Variants in CDKAL1 observed in about 807,000 individuals in gnomAD.
The protein encoded by CDKAL1 is threonylcarbamoyladenosine tRNA methylthiotransferase.
CDKAL1 carries 32 observed loss-of-function variants against 68.2 expected under a neutral mutation model. The ratio of observed to expected loss-of-function variants is 0.47; its 90% CI spans 0.35 to 0.63. The LOEUF is 0.63. Ranked by LOEUF, CDKAL1 falls within the 30% of genes least tolerant of loss-of-function variation. The probability of loss-of-function intolerance (pLI) is 0.00; values close to 1 mark genes in which losing one functional copy is unlikely to be tolerated. For synonymous variants in CDKAL1, 234 were observed against 244.3 expected (o/e 0.96, Z 0.39); for missense variants, 606 against 696.7 (o/e 0.87, Z 1.47).
intron 13 of CDKAL1, among the ~76,000 whole-genome samples, chr6:21,172,429 C>T (rs1777426023): frequency 6.6e-6 from 1 of 152,152 alleles, no homozygotes; most frequent in Non-Finnish European, 1.5e-5. Flanking sequence ...CTTTCTGTAG[C>T]ATGGGGATTG....
chr6:20,998,626 A>G (rs1581995574), intron 10 of CDKAL1, among the ~76,000 whole-genome samples: 1 of 142,708 alleles, frequency 7.0e-6, no homozygotes, highest in Non-Finnish European at 1.5e-5. Context: ...AAGAAAAAAG[A>G]AAAAAAAAAA....
rs576077857 is a variant in CDKAL1, at chr6:21,192,170, C to G, written c.1300-5851C>G. Among the ~76,000 whole-genome samples, 6 of 148,194 alleles carry G rather than the reference C, an allele frequency of 4.0e-5. 1 individual carries two copies. Among genetic ancestry groups the G allele is most frequent in the Admixed American group, 3.4e-4 (5 of 14,860 alleles). On this transcript the variant is annotated intron_variant, in intron 13 of 15. Transcript: ENST00000274695. ...CCGAGTAGCTGGGACTACAGGCGCC[C>G]ACCACCGCGCCCGGCTAATTTTTTG... is the stretch of plus-strand genomic sequence containing the variant.
At chr6:21,177,522 A>G (rs1245941884) in intron 13 of CDKAL1, among the ~76,000 whole-genome samples, 2 of 152,186 alleles carry the variant, frequency 1.3e-5, no homozygotes, top group Non-Finnish European at 2.9e-5. Flanking sequence ...CTGTCCTTTC[A>G]TTAACTACTA....
intron 8 of CDKAL1, among the ~76,000 whole-genome samples, chr6:20,834,670 A>G (rs763829198): frequency 6.6e-6 from 1 of 152,152 alleles, no homozygotes; most frequent in Non-Finnish European, 1.5e-5. Flanking sequence ...TAGGCAACAC[A>G]TTTCATCATT....
intron 9 of CDKAL1, among the ~76,000 whole-genome samples, chr6:20,931,185 A>C (rs972193856): frequency 1.3e-5 from 2 of 152,222 alleles, no homozygotes; most frequent in Non-Finnish European, 2.9e-5. Flanking sequence ...ACTGTTTTAT[A>C]CTGACATATG....
At chr6:20,562,229 T>G (rs1393924540) in intron 4 of CDKAL1, among the ~76,000 whole-genome samples, 1 of 150,974 alleles carries the variant, frequency 6.6e-6, no homozygotes, top group East Asian at 1.9e-4. Flanking sequence ...AGGGTGGGAA[T>G]GAGAGTGGCA....
intron 9 of CDKAL1, among the ~76,000 whole-genome samples, chr6:20,860,474 T>C (rs2150522017): frequency 6.6e-6 from 1 of 152,324 alleles, no homozygotes; most frequent in South Asian, 2.1e-4. Flanking sequence ...ACCTTTGTTA[T>C]TCATCATTGC....
At chr6:21,110,139 G>C (rs148516378) in intron 13 of CDKAL1, among the ~76,000 whole-genome samples, 84 of 152,264 alleles carry the variant, frequency 5.5e-4, no homozygotes, top group African/African-American at 1.8e-3. Flanking sequence ...ATTGTAAATA[G>C]CTAGACTGCT....
chr6:20,783,487 A>G (rs1775522784), intron 8 of CDKAL1, among the ~76,000 whole-genome samples: 1 of 152,144 alleles, frequency 6.6e-6, no homozygotes, highest in African/African-American at 2.4e-5. Flanking sequence ...ACTACTTGAA[A>G]TTCTCAAAAC....
chr6:20,741,028 G>C (rs934668550), intron 6 of CDKAL1, among the ~76,000 whole-genome samples: 2 of 152,054 alleles, frequency 1.3e-5, no homozygotes, highest in African/African-American at 4.8e-5. Flanking sequence ...TTACGTTAGA[G>C]AATAGCAGAA....
intron 9 of CDKAL1, among the ~76,000 whole-genome samples, chr6:20,846,791 A>G (rs1778391364): frequency 2.0e-5 from 3 of 152,190 alleles, no homozygotes; most frequent in Admixed American, 6.5e-5. Flanking sequence ...ATATATAGTA[A>G]GACTTATCTT....
intron 9 of CDKAL1, among the ~76,000 whole-genome samples, chr6:20,890,249 C>G (rs1445267134): frequency 1.3e-5 from 2 of 152,232 alleles, no homozygotes; most frequent in African/African-American, 4.8e-5. Flanking sequence ...GTGTTAATAA[C>G]TAGTGCTGTA....
chr6:21,082,883 T>TC (rs967196430), intron 12 of CDKAL1, among the ~76,000 whole-genome samples: 1 of 150,480 alleles, frequency 6.6e-6, no homozygotes, highest in East Asian at 1.9e-4. Flanking sequence ...TGTTTTTTTT[T>TC]TTTTTTTTGA....
intron 7 of CDKAL1, among the ~76,000 whole-genome samples, chr6:20,772,479 A>T (rs1774988885): frequency 6.6e-6 from 1 of 152,252 alleles, no homozygotes; most frequent in South Asian, 2.1e-4. Context: ...TGCAAAAGAT[A>T]TAGTAATTAA....
chr6:20,805,554 G>A (rs958019091), intron 8 of CDKAL1, among the ~76,000 whole-genome samples: 2 of 152,182 alleles, frequency 1.3e-5, no homozygotes, highest in Admixed American at 1.3e-4. Flanking sequence ...ATGGCAAAGC[G>A]TTGTGTTTAT....
intron 13 of CDKAL1, among the ~76,000 whole-genome samples, chr6:21,122,803 G>GTT (rs66935416): frequency 0.019 from 2,058 of 105,762 alleles, 87 homozygotes; most frequent in African/African-American, 0.066. Context: ...CCCCAGTTAG[G>GTT]TTTTTTTTTT....
At chr6:20,589,028 A>G (rs1765486913) in intron 4 of CDKAL1, among the ~76,000 whole-genome samples, 1 of 152,206 alleles carries the variant, frequency 6.6e-6, no homozygotes, top group South Asian at 2.1e-4. Context: ...ATATCACTAC[A>G]AAAAGGAGAT....
chr6:20,614,075 C>G (rs1766774186), intron 4 of CDKAL1, among the ~76,000 whole-genome samples: 1 of 151,914 alleles, frequency 6.6e-6, no homozygotes, highest in Non-Finnish European at 1.5e-5. Flanking sequence ...TTTTTTGTTT[C>G]ATTTTCTGTG....
intron 6 of CDKAL1, among the ~76,000 whole-genome samples, chr6:20,741,106 G>A (rs1773435528): frequency 6.6e-6 from 1 of 152,040 alleles, no homozygotes; most frequent in Non-Finnish European, 1.5e-5. Flanking sequence ...ATGCCATTGT[G>A]TGCCGGGAAA....
Sources: gnomAD v4.1 joint callset for allele counts (sites outside exome capture counted in the v4.1 genomes callset) on GRCh38, gnomAD v4.1.1 for gene constraint, MANE v1.5 for transcripts, NCBI Gene and HGNC (gene_info 2026-07-23, HGNC 2026-07-21) for gene names.